The following EXD3 variants were observed in gnomAD, a reference collection of about 807,000 sequenced individuals.
EXD3 encodes exonuclease 3'-5' domain containing 3, also known as exonuclease mut-7 homolog.
In EXD3, 92 loss-of-function variants were observed where a neutral mutation model predicts 98.0. The observed-to-expected ratio is 0.94, with a 90% CI of 0.79 to 1.12. EXD3 has a LOEUF of 1.12. EXD3 is among the 50% of genes most tolerant of loss of function. The pLI, the probability that EXD3 is intolerant of heterozygous loss-of-function variation, is 0.00. For synonymous variants in EXD3, 569 were observed against 526.0 expected (o/e 1.08, Z -1.12); for missense variants, 1,222 against 1,191.6 (o/e 1.03, Z -0.38).
intron 17 of EXD3, among the ~76,000 whole-genome samples, chr9:137,330,148 G>A (rs1336310620): frequency 1.6e-4 from 20 of 127,668 alleles, no homozygotes; most frequent in East Asian, 5.6e-4. Flanking sequence ...GAACTACACC[G>A]GAGCTACACA....
At chr9:137,327,346 G>C (rs908260249) in intron 17 of EXD3, among the ~76,000 whole-genome samples, 4 of 152,088 alleles carry the variant, frequency 2.6e-5, no homozygotes, top group Admixed American at 2.0e-4. Flanking sequence ...TGTTAGCCAG[G>C]ATGGTCTCGA....
At chr9:137,397,047 G>A (rs557436960) in intron 1 of EXD3, among the ~76,000 whole-genome samples, 225 of 152,298 alleles carry the variant, frequency 1.5e-3, no homozygotes, top group African/African-American at 4.5e-3. Context: ...GAGGACCCCC[G>A]AGCCTCCCAG....
intron 17 of EXD3, among the ~76,000 whole-genome samples, chr9:137,328,485 A>ACGAAT (rs1336695260): frequency 1.4e-4 from 21 of 151,720 alleles, no homozygotes; most frequent in Non-Finnish European, 1.9e-4. Context: ...AGTAAAAACA[A>ACGAAT]AAGTAAAAAC....
intron 17 of EXD3, among the ~76,000 whole-genome samples, chr9:137,328,633 T>A (rs955708106): frequency 3.0e-5 from 2 of 66,874 alleles, no homozygotes; most frequent in Non-Finnish European, 2.7e-5. Context: ...TACACGGGAC[T>A]ACACGGGGCT....
chr9:137,383,306 C>T lies in EXD3; in HGVS notation c.120+7G>A. 6.5e-7 allele frequency: 1 copy of T among 1,549,262 alleles called. No individual in the cohort carries two copies. The highest frequency in any genetic ancestry group is 8.7e-7 in the Non-Finnish European group (1 of 1,146,030). Reference sequence around the variant, plus strand: ...CTTGGCACGTGGTGGCTGCCACGTCCACTCACCTGCTTCCGCTCCCGCGTG... The same window carrying T: ...CTTGGCACGTGGTGGCTGCCACGTCTACTCACCTGCTTCCGCTCCCGCGTG... On this transcript the variant is annotated splice_region_variant and intron_variant, in intron 3 of 21. Coordinates refer to ENST00000340951, the MANE Select transcript of EXD3 (RefSeq NM_017820.5).
intron 3 of EXD3, among the ~76,000 whole-genome samples, chr9:137,376,521 G>A (rs1019653041): frequency 8.5e-5 from 13 of 152,052 alleles, no homozygotes; most frequent in Admixed American, 5.3e-4. Flanking sequence ...TGTGCCTGCT[G>A]GAGTTTCCGG....
chr9:137,366,627 G>A lies in EXD3; in HGVS notation c.522C>T (p.Ser174=). ...CCTTGTCCTGGAGGAGCAGTGGGAT[G>A]CTCATCTGCAGGGGGACACACGGTC... is the stretch of plus-strand genomic sequence containing the variant. ...LQSELGVEKM[S]IPLLLQDKVA... Residue 174 remains serine, a synonymous_variant, in exon 7 of 22, where the codon AGC becomes AGT. Coordinates refer to ENST00000340951, the MANE Select transcript of EXD3 (RefSeq NM_017820.5). 6.4e-7 allele frequency: 1 copy of A among 1,558,740 alleles called. No homozygotes were observed.
chr9:137,316,048 C>T (rs1831633861), intron 19 of EXD3, among the ~76,000 whole-genome samples: 2 of 147,306 alleles, frequency 1.4e-5, no homozygotes, highest in African/African-American at 5.0e-5. Flanking sequence ...CCAGAGCTTC[C>T]CCTCCCCCCT....
intron 1 of EXD3, among the ~76,000 whole-genome samples, chr9:137,411,499 G>A (rs1453178331): frequency 1.3e-5 from 2 of 151,710 alleles, no homozygotes; most frequent in Admixed American, 1.3e-4. Flanking sequence ...TCGAAGCTTC[G>A]CCCTCAAGTA....
intron 3 of EXD3, among the ~76,000 whole-genome samples, chr9:137,382,068 GAGGGCGCGCGGTGGAGGTC>G (rs1462816642): frequency 2.7e-4 from 39 of 143,702 alleles, no homozygotes; most frequent in Non-Finnish European, 5.1e-4. Context: ...CGGAGGAGGT[GAGGGCGCGCGGTGGAGGTC>G]AGGGCGGCGG....
At chr9:137,398,443 G>C (rs1293353786) in intron 1 of EXD3, among the ~76,000 whole-genome samples, 1 of 152,210 alleles carries the variant, frequency 6.6e-6, no homozygotes, top group African/African-American at 2.4e-5. Context: ...GAGCACCTCA[G>C]GCAGAACCGC....
intron 7 of EXD3, among the ~76,000 whole-genome samples, chr9:137,363,867 C>A (rs759220097): frequency 6.6e-6 from 1 of 152,134 alleles, no homozygotes; most frequent in Admixed American, 6.5e-5. Flanking sequence ...CATTAAGTTG[C>A]AAACAATATC....
intron 3 of EXD3, among the ~76,000 whole-genome samples, chr9:137,378,690 G>C (rs1380548703): frequency 6.6e-6 from 1 of 152,214 alleles, no homozygotes; most frequent in Non-Finnish European, 1.5e-5. Flanking sequence ...AGCTGACACA[G>C]ACATCCACAT....
At chr9:137,337,895 C>T (rs1054319870) in intron 17 of EXD3, among the ~76,000 whole-genome samples, 1 of 151,952 alleles carries the variant, frequency 6.6e-6, no homozygotes, top group Admixed American at 6.6e-5. Context: ...TCATGCCATT[C>T]TCCTGCCTCA....
chr9:137,359,626 C>T lies in EXD3; in HGVS notation c.657-3258G>A, dbSNP rs1297063198. Among the ~76,000 whole-genome samples the T allele has an allele frequency of 2.3e-5, 2 of 85,988 alleles. 1 individual carries two copies. Among genetic ancestry groups the T allele is most frequent in the Non-Finnish European group, 5.7e-5 (2 of 35,000 alleles). 56.4% of individuals were successfully genotyped at this position (85,988 alleles called of 152,430 possible). On this transcript the variant is annotated intron_variant, in intron 7 of 21. Transcript: ENST00000340951. ...GTATCCCCATCCCACACTTCTCTGA[C>T]TTCTATGGCCAGAGATTATTTGCCC... is the stretch of plus-strand genomic sequence containing the variant.
At chr9:137,422,208 G>A (rs1838562721) in intron 1 of EXD3, among the ~76,000 whole-genome samples, 1 of 151,890 alleles carries the variant, frequency 6.6e-6, no homozygotes, top group South Asian at 2.1e-4. Flanking sequence ...CCCAGCAAGA[G>A]GGGACACTCT....
Position 137,354,334 on chromosome 9 carries a change from C to T in EXD3, c.870+5G>A. The T allele has an allele frequency of 1.9e-6, 3 of 1,612,312 alleles. No homozygotes were observed. The highest frequency in any genetic ancestry group is 2.5e-6 in the Non-Finnish European group (3 of 1,179,698). On this transcript the variant is annotated splice_donor_5th_base_variant and intron_variant, in intron 10 of 21. Transcript: ENST00000340951. Reference sequence around the variant, plus strand: ...GCCGGCTTACAGGCAAGGGCACGAACTCACCTGCACATGGTCGGTCCAGTT... The same window carrying T: ...GCCGGCTTACAGGCAAGGGCACGAATTCACCTGCACATGGTCGGTCCAGTT...
At chr9:137,346,793 C>A (rs545733533) in intron 17 of EXD3, among the ~76,000 whole-genome samples, 10 of 152,274 alleles carry the variant, frequency 6.6e-5, no homozygotes, top group African/African-American at 2.2e-4. Flanking sequence ...GCACCCCACT[C>A]CTGGTACCAC....
Position 137,351,084 on chromosome 9 carries a change from T to C in EXD3, c.1448A>G (p.Glu483Gly). The C allele has an allele frequency of 1.3e-6, 2 of 1,581,656 alleles. No individual in the cohort carries two copies. The highest frequency in any genetic ancestry group is 1.7e-6 in the Non-Finnish European group (2 of 1,164,874). ...GTCCATGCCGCCCAGAATCTGCTTC[T>C]CCACATGGGCCAGGGCGGGGCAGGA... ...GTSCPALAHV[E>G]KQILGGMDLL... Residue 483 changes from glutamate to glycine, a missense_variant, in exon 14 of 22, where the codon GAG (glutamate) becomes GGG (glycine). Physicochemically the swap from Glu to Gly is moderately conservative, Grantham distance 98. Transcript: ENST00000340951.
Sources: gnomAD v4.1 joint callset for allele counts (sites outside exome capture counted in the v4.1 genomes callset) on GRCh38, gnomAD v4.1.1 for gene constraint, MANE v1.5 for transcripts, NCBI Gene and HGNC (gene_info 2026-07-23, HGNC 2026-07-21) for gene names.